Variants in MGMT observed in about 807,000 individuals in gnomAD.
MGMT encodes the protein O-6-methylguanine-DNA methyltransferase.
Under a neutral mutation model 15.9 loss-of-function variants are expected in MGMT, and 14 were observed. The observed-to-expected ratio is 0.88, with a 90% CI of 0.58 to 1.37. The LOEUF (loss-of-function observed/expected upper bound fraction) is 1.37. MGMT is among the 40% of genes most tolerant of loss of function. MGMT has a pLI of 0.00. For missense variants in MGMT, 282 were observed against 268.1 expected (o/e 1.05, Z -0.36); for synonymous variants, 130 against 118.2 (o/e 1.10, Z -0.65).
chr10:129,491,950 CT>C (rs1197726842), intron 1 of MGMT, among the ~76,000 whole-genome samples: 1 of 151,998 alleles, frequency 6.6e-6, no homozygotes, highest in African/African-American at 2.4e-5. Context: ...GTATTTTCTT[CT>C]TTTTTCCCTT....
chr10:129,708,053 T>C lies in MGMT; in HGVS notation c.274+10T>C. 1 of 1,609,308 alleles carries C rather than the reference T, an allele frequency of 6.2e-7. No individual in the cohort carries two copies. Among genetic ancestry groups the C allele is most frequent in the Non-Finnish European group, 8.5e-7 (1 of 1,177,656 alleles). ...CCCGTTTTCCAGCAAGGTCGGTAAC[T>C]AAGCCATCTGCGGTGTTTCCTTTGG... On this transcript the variant is annotated intron_variant, in intron 3 of 4. Coordinates refer to ENST00000651593, the MANE Select transcript of MGMT (RefSeq NM_002412.5).
At chr10:129,486,004 A>G (rs1371130286) in intron 1 of MGMT, among the ~76,000 whole-genome samples, 1 of 152,216 alleles carries the variant, frequency 6.6e-6, no homozygotes, top group Admixed American at 6.5e-5. Context: ...ATAATTTTCA[A>G]GAAGACTTAA....
At chr10:129,562,794 G>T (rs1032268904) in intron 2 of MGMT, among the ~76,000 whole-genome samples, 4 of 152,170 alleles carry the variant, frequency 2.6e-5, no homozygotes, top group African/African-American at 9.7e-5. Flanking sequence ...AGTTAACACC[G>T]ATCTCACAAT....
At chr10:129,718,801 G>C (rs183601686) in intron 3 of MGMT, among the ~76,000 whole-genome samples, 4 of 151,870 alleles carry the variant, frequency 2.6e-5, no homozygotes, top group Admixed American at 1.3e-4. Context: ...GCCAGTCCAC[G>C]TGCCTGCTCA....
intron 2 of MGMT, among the ~76,000 whole-genome samples, chr10:129,564,991 C>A (rs993697870): frequency 1.1e-4 from 17 of 152,162 alleles, no homozygotes; most frequent in African/African-American, 3.6e-4. Flanking sequence ...CCTTGTCTTT[C>A]CCCCAGCAGA....
rs539967967 is a variant in MGMT, at chr10:129,514,212, TAGTG to T, written c.-12-22026_-12-22023del. ...TATACAATAGAGGTTTTCCTCGTGA[TAGTG>T]AGAATATATCAATATGAGAGAGATA... On this transcript the variant is annotated intron_variant, in intron 1 of 4. Transcript: ENST00000651593. Among the ~76,000 whole-genome samples the T allele has an allele frequency of 2.6e-3, 391 of 152,360 alleles. 2 individuals are homozygous for T. The highest frequency in any genetic ancestry group is 4.6e-3 in the Non-Finnish European group (316 of 68,028).
intron 2 of MGMT, among the ~76,000 whole-genome samples, chr10:129,656,189 C>T (rs571081031): frequency 3.4e-4 from 52 of 152,368 alleles, no homozygotes; most frequent in African/African-American, 1.2e-3. Context: ...TCTATGTAAG[C>T]TGTCACCCAG....
chr10:129,575,029 C>T (rs942207183), intron 2 of MGMT, among the ~76,000 whole-genome samples: 1 of 152,110 alleles, frequency 6.6e-6, no homozygotes, highest in Admixed American at 6.6e-5. Flanking sequence ...AGCATCAAAC[C>T]TTGCAGAGTT....
intron 2 of MGMT, among the ~76,000 whole-genome samples, chr10:129,620,505 C>T (rs1325042018): frequency 6.6e-6 from 1 of 152,196 alleles, no homozygotes; most frequent in Non-Finnish European, 1.5e-5. Flanking sequence ...GCCTTCTGTA[C>T]ATTTGCTAGT....
intron 3 of MGMT, among the ~76,000 whole-genome samples, chr10:129,734,772 G>A (rs924998385): frequency 2.0e-4 from 31 of 152,166 alleles, no homozygotes; most frequent in African/African-American, 7.0e-4. Flanking sequence ...TAGCATGAAG[G>A]GTTGTTGAAT....
rs1309733516 is a variant in MGMT, at chr10:129,696,273, G to A, written c.126-11622G>A. ...TGGTGCTTGAAGGATTTGCTGCTTC[G>A]TTTCATTTTTCTCATTTCATCTCAT... On this transcript the variant is annotated intron_variant, in intron 2 of 4. Coordinates refer to ENST00000651593, the MANE Select transcript of MGMT (RefSeq NM_002412.5). 3.9e-5 allele frequency among the ~76,000 whole-genome samples: 6 copies of A among 152,200 alleles called. No homozygotes were observed. In the South Asian group the frequency reaches 6.2e-4, roughly 16 times the overall value.
At chr10:129,744,254 C>T (rs901509448) in intron 3 of MGMT, among the ~76,000 whole-genome samples, 3 of 152,208 alleles carry the variant, frequency 2.0e-5, no homozygotes, top group Non-Finnish European at 4.4e-5. Flanking sequence ...AGTCTCTACA[C>T]AAGGCATTGG....
rs187991586 is a variant in MGMT, at chr10:129,481,956, G to A, written c.-13+14660G>A. On this transcript the variant is annotated intron_variant, in intron 1 of 4. Transcript: ENST00000651593. ...CTTTCTTGTGCTTACTTTCAGTTTA[G>A]TTTGCTTTCTTTTTTGTAGTTTCTT... Among the ~76,000 whole-genome samples, 1,120 of 152,172 alleles carry A rather than the reference G, an allele frequency of 7.4e-3. 24 individuals carry two copies. The highest frequency in any genetic ancestry group is 0.026 in the African/African-American group (1,072 of 41,518).
intron 3 of MGMT, among the ~76,000 whole-genome samples, chr10:129,736,310 A>T (rs1000671184): frequency 2.6e-5 from 4 of 151,720 alleles, no homozygotes; most frequent in African/African-American, 9.7e-5. Context: ...CTTTACCATT[A>T]AGTAATGGCC....
At chr10:129,543,696 A>G (rs1224622154) in intron 2 of MGMT, among the ~76,000 whole-genome samples, 2 of 152,194 alleles carry the variant, frequency 1.3e-5, no homozygotes, top group Non-Finnish European at 2.9e-5. Flanking sequence ...TAAGAAAAAA[A>G]AAAGCAATGC....
Position 129,725,111 on chromosome 10 carries a change from CTCT to C in MGMT, c.274+17075_274+17077del, listed in dbSNP as rs1229758686. ...CAGACCTTTGGACACTGTTGCCTTA[CTCT>C]TCTTCTCTCCAGCCAAGCGAGTGGC... On this transcript the variant is annotated intron_variant, in intron 3 of 4. Transcript: ENST00000651593. 2.8e-5 allele frequency among the ~76,000 whole-genome samples: 4 copies of C among 142,250 alleles called. No individual in the cohort carries two copies. The South Asian group carries it at 6.7e-4, about 24-fold the overall frequency. 93.3% of individuals were successfully genotyped at this position (142,250 alleles called of 152,430 possible).
intron 1 of MGMT, among the ~76,000 whole-genome samples, chr10:129,472,325 C>T (rs1001993820): frequency 3.3e-5 from 5 of 152,102 alleles, no homozygotes; most frequent in East Asian, 3.9e-4. Context: ...TCGGTCTACC[C>T]GGGTAAGTAT....
chr10:129,554,226 G>A (rs1430022605), intron 2 of MGMT, among the ~76,000 whole-genome samples: 1 of 152,346 alleles, frequency 6.6e-6, no homozygotes, highest in East Asian at 1.9e-4. Context: ...CGGGTCATAC[G>A]CCATCTGGGG....
chr10:129,529,540 G>A (rs984935202), intron 1 of MGMT, among the ~76,000 whole-genome samples: 6 of 152,192 alleles, frequency 3.9e-5, no homozygotes, highest in African/African-American at 1.4e-4. Flanking sequence ...TTCCTAACAG[G>A]CCACGGACTG....
Sources: gnomAD v4.1 joint callset for allele counts (sites outside exome capture counted in the v4.1 genomes callset) on GRCh38, gnomAD v4.1.1 for gene constraint, MANE v1.5 for transcripts, NCBI Gene and HGNC (gene_info 2026-07-23, HGNC 2026-07-21) for gene names.